The following KIAA1328 variants were observed in gnomAD, a reference collection of about 807,000 sequenced individuals.
KIAA1328 encodes the protein protein hinderin.
KIAA1328 carries 52 observed loss-of-function variants against 68.1 expected under a neutral mutation model. That is an observed-to-expected ratio of 0.76 (90% CI 0.61 to 0.96). The LOEUF (loss-of-function observed/expected upper bound fraction) is 0.96. Among genes scored for constraint, KIAA1328 ranks in the 40% least tolerant of loss-of-function variants. The probability of loss-of-function intolerance (pLI) is 0.00; values close to 1 mark genes in which losing one functional copy is unlikely to be tolerated. For synonymous variants in KIAA1328, 232 were observed against 239.4 expected, an observed-to-expected ratio of 0.97 and a Z score of 0.28; for missense variants, 641 against 677.6, an observed-to-expected ratio of 0.95 and a Z score of 0.60.
chr18:37,173,903 A>G (rs2059546772), intron 9 of KIAA1328, among the ~76,000 whole-genome samples: 1 of 152,198 alleles, frequency 6.6e-6, no homozygotes, highest in Admixed American at 6.5e-5. Context: ...TCCAGTGCCT[A>G]TAGATATGCT....
chr18:37,165,164 A>G (rs2059361009), intron 8 of KIAA1328, among the ~76,000 whole-genome samples: 1 of 152,102 alleles, frequency 6.6e-6, no homozygotes. Flanking sequence ...TTGTCTCCAA[A>G]TATCGTCATA....
At chr18:37,229,693 T>G (rs2060656099), downstream of KIAA1328, 2 of 413,272 alleles carry the variant, frequency 4.8e-6, no homozygotes, top group South Asian at 4.2e-5. Flanking sequence ...GCTAACACGG[T>G]GAAACCCCAT....
intron 6 of KIAA1328, among the ~76,000 whole-genome samples, chr18:36,978,878 A>G (rs960383168): frequency 2.0e-5 from 3 of 152,166 alleles, no homozygotes; most frequent in Non-Finnish European, 4.4e-5. Flanking sequence ...AGAACATTAT[A>G]TGAACTGGGC....
chr18:37,185,425 A>C (rs1451077334), intron 9 of KIAA1328, among the ~76,000 whole-genome samples: 1 of 152,178 alleles, frequency 6.6e-6, no homozygotes, highest in African/African-American at 2.4e-5. Flanking sequence ...ATAGAAAAAA[A>C]GATAATACCC....
chr18:37,004,924 A>G (rs111304680), intron 6 of KIAA1328, among the ~76,000 whole-genome samples: 2 of 152,296 alleles, frequency 1.3e-5, no homozygotes, highest in African/African-American at 4.8e-5. Flanking sequence ...AGCCATAAAA[A>G]GGAACAAATT....
intron 7 of KIAA1328, among the ~76,000 whole-genome samples, chr18:37,133,808 G>A (rs1283400880): frequency 1.3e-5 from 2 of 152,024 alleles, no homozygotes; most frequent in African/African-American, 2.4e-5. Context: ...ATAGGTGTGA[G>A]CCATTACTCC....
At chr18:36,878,526 G>GTTC (rs1216334497) in intron 4 of KIAA1328, among the ~76,000 whole-genome samples, 3 of 152,114 alleles carry the variant, frequency 2.0e-5, no homozygotes, top group Non-Finnish European at 4.4e-5. Context: ...TCTTTGTGGT[G>GTTC]TTCTGTGTTT....
intron 5 of KIAA1328, among the ~76,000 whole-genome samples, chr18:36,913,369 A>T (rs8084237): frequency 0.59 from 88,057 of 149,176 alleles, 27,755 homozygotes; most frequent in East Asian, 0.87. Context: ...AAAAAAAAAA[A>T]ATTTTTTAAG....
intron 5 of KIAA1328, among the ~76,000 whole-genome samples, chr18:36,917,723 T>C (rs901355546): frequency 2.0e-5 from 3 of 152,198 alleles, no homozygotes; most frequent in Non-Finnish European, 4.4e-5. Flanking sequence ...TCCTTTCTCC[T>C]TCCTTCAATA....
intron 7 of KIAA1328, among the ~76,000 whole-genome samples, chr18:37,144,101 A>G (rs568652476): frequency 4.6e-5 from 7 of 152,202 alleles, no homozygotes; most frequent in African/African-American, 1.7e-4. Context: ...TGTAACAGAT[A>G]TGAAGCTACT....
At chr18:37,121,395 A>C (rs1257522989) in intron 7 of KIAA1328, among the ~76,000 whole-genome samples, 1 of 151,940 alleles carries the variant, frequency 6.6e-6, no homozygotes, top group Non-Finnish European at 1.5e-5. Context: ...TTCTAAAGAA[A>C]GTGTGCCATC....
chr18:37,196,040 T>C (rs1433332062), intron 9 of KIAA1328, among the ~76,000 whole-genome samples: 1 of 152,126 alleles, frequency 6.6e-6, no homozygotes, highest in Non-Finnish European at 1.5e-5. Context: ...TATTCCTATT[T>C]TTTTGTAGCT....
chr18:37,049,948 G>A (rs2055624193), intron 6 of KIAA1328, among the ~76,000 whole-genome samples: 1 of 152,098 alleles, frequency 6.6e-6, no homozygotes, highest in African/African-American at 2.4e-5. Flanking sequence ...GATCTCCCCT[G>A]CAGGGACAGC....
chr18:37,132,326 A>G (rs1050285569), intron 7 of KIAA1328, among the ~76,000 whole-genome samples: 2 of 152,250 alleles, frequency 1.3e-5, no homozygotes, highest in Non-Finnish European at 2.9e-5. Context: ...GAGTGTAATA[A>G]CAAAAGCCCT....
intron 5 of KIAA1328, among the ~76,000 whole-genome samples, chr18:36,944,152 A>G (rs541151291): frequency 2.0e-5 from 3 of 152,314 alleles, no homozygotes; most frequent in South Asian, 2.1e-4. Flanking sequence ...TGCATACTCT[A>G]CTGGATAATA....
chr18:36,846,361 A>T (rs541573546), intron 4 of KIAA1328, among the ~76,000 whole-genome samples: 1 of 151,548 alleles, frequency 6.6e-6, no homozygotes, highest in African/African-American at 2.4e-5. Context: ...ACAAGACATA[A>T]CCTTTTTTCT....
At chr18:36,913,171 C>G (rs937255056) in intron 5 of KIAA1328, among the ~76,000 whole-genome samples, 12 of 151,884 alleles carry the variant, frequency 7.9e-5, no homozygotes, top group Non-Finnish European at 1.2e-4. Flanking sequence ...ATTTTGTCTT[C>G]TCTTTCCCCC....
intron 6 of KIAA1328, among the ~76,000 whole-genome samples, chr18:37,027,321 C>T (rs1188435551): frequency 5.3e-5 from 8 of 152,082 alleles, no homozygotes; most frequent in Non-Finnish European, 1.0e-4. Flanking sequence ...TCAATGCCAT[C>T]CCCATCAAGC....
At chr18:37,091,907 G>T (rs1283576581) in intron 7 of KIAA1328, among the ~76,000 whole-genome samples, 2 of 152,122 alleles carry the variant, frequency 1.3e-5, no homozygotes, top group African/African-American at 4.8e-5. Flanking sequence ...GCCTATTGAG[G>T]GATGCTGCCA....
Sources: allele counts gnomAD v4.1 joint callset (sites outside exome capture counted in the v4.1 genomes callset), GRCh38; gene constraint gnomAD v4.1.1; transcripts MANE v1.5; gene names NCBI Gene and HGNC (gene_info 2026-07-23, HGNC 2026-07-21).